The following MEGF11 variants were observed in gnomAD, a reference collection of about 807,000 sequenced individuals.
MEGF11 encodes multiple epidermal growth factor-like domains protein 11.
Under a neutral mutation model 146.6 loss-of-function variants are expected in MEGF11, and 126 were observed. The observed-to-expected ratio is 0.86, with a 90% CI of 0.74 to 1.00. The LOEUF is 1.00. Among genes scored for constraint, MEGF11 ranks in the 50% least tolerant of loss-of-function variants. MEGF11 has a pLI of 0.00. For synonymous variants in MEGF11, 532 were observed against 583.4 expected, an observed-to-expected ratio of 0.91 and a Z score of 1.27; for missense variants, 1,509 against 1,521.2, an observed-to-expected ratio of 0.99 and a Z score of 0.13.
intron 21 of MEGF11, among the ~76,000 whole-genome samples, chr15:65,911,545 G>T (rs985329427): frequency 6.6e-6 from 1 of 152,214 alleles, no homozygotes; most frequent in Non-Finnish European, 1.5e-5. Context: ...GCAAGTAGCT[G>T]GGACTACAGG....
chr15:65,934,647 T>C (rs987500633), intron 10 of MEGF11, among the ~76,000 whole-genome samples: 5 of 152,278 alleles, frequency 3.3e-5, no homozygotes, highest in African/African-American at 1.2e-4. Context: ...AGTTGGGACT[T>C]ACAGCCCCAC....
At chr15:65,908,964 G>C in intron 23 of MEGF11, 70 bp downstream of exon 23, 1 of 965,628 alleles carries the variant, frequency 1.0e-6, no homozygotes, top group Non-Finnish European at 1.6e-6. Flanking sequence ...CAAGGTGCAG[G>C]GATGGGGATT....
At chr15:65,911,130 A>G (rs1488932510) in intron 21 of MEGF11, among the ~76,000 whole-genome samples, 1 of 152,252 alleles carries the variant, frequency 6.6e-6, no homozygotes. Context: ...TTATGCTGGA[A>G]GCTGTCAGGG....
chr15:66,109,850 T>G (rs1217378647), intron 4 of MEGF11, among the ~76,000 whole-genome samples: 1 of 152,176 alleles, frequency 6.6e-6, no homozygotes, highest in South Asian at 2.1e-4. Context: ...TCTATTTCAC[T>G]CACTCACTAA....
chr15:65,937,518 C>T (rs1338832605), intron 10 of MEGF11, among the ~76,000 whole-genome samples: 4 of 152,212 alleles, frequency 2.6e-5, no homozygotes, highest in Non-Finnish European at 5.9e-5. Flanking sequence ...CTATTGAAAC[C>T]AGTCTCCCCA....
chr15:66,104,940 G>C (rs1250127376), intron 4 of MEGF11, among the ~76,000 whole-genome samples: 1 of 152,118 alleles, frequency 6.6e-6, no homozygotes, highest in Non-Finnish European at 1.5e-5. Flanking sequence ...AGGCATCTCA[G>C]ACAACAAATG....
At chr15:66,046,525 G>A (rs1289856021) in intron 5 of MEGF11, among the ~76,000 whole-genome samples, 3 of 152,322 alleles carry the variant, frequency 2.0e-5, no homozygotes, top group African/African-American at 4.8e-5. Flanking sequence ...AGGCACTGCC[G>A]AGCATCCTGC....
At chr15:66,212,623 G>C (rs2091488822) in intron 1 of MEGF11, among the ~76,000 whole-genome samples, 1 of 152,214 alleles carries the variant, frequency 6.6e-6, no homozygotes, top group African/African-American at 2.4e-5. Flanking sequence ...GAGCCCCCCA[G>C]TAACACAAGA....
intron 11 of MEGF11, 50 bp from the exon 12 acceptor site, chr15:65,929,933 C>T: frequency 4.6e-6 from 7 of 1,537,498 alleles, no homozygotes; most frequent in Non-Finnish European, 6.2e-6. Context: ...CCCAGTGTGT[C>T]TTTTTTGCCC....
At chr15:66,009,440 T>A (rs916067845) in intron 5 of MEGF11, among the ~76,000 whole-genome samples, 24 of 151,958 alleles carry the variant, frequency 1.6e-4, no homozygotes, top group Admixed American at 1.5e-3. Context: ...CTGACTCACA[T>A]CTATGACTCA....
rs375451561 is a variant in MEGF11 at position 66,248,505 on chromosome 15, A to G, written c.-9+5100T>C. On this transcript the variant is annotated intron_variant, in intron 1 of 25. Transcript: ENST00000395614. ...AAGGTTTGGCATTCAATAAGTATTC[A>G]ATCTATATTTGATTAATTGATCTTC... is the stretch of plus-strand genomic sequence containing the variant. Among the ~76,000 whole-genome samples the G allele has an allele frequency of 4.6e-5, 7 of 152,186 alleles. No individual in the cohort carries two copies. The East Asian group carries it at 9.6e-4, about 21-fold the overall frequency.
chr15:65,953,109 C>G (rs2080463063), intron 10 of MEGF11, among the ~76,000 whole-genome samples: 1 of 152,190 alleles, frequency 6.6e-6, no homozygotes, highest in Admixed American at 6.5e-5. Flanking sequence ...CAACACCCTC[C>G]TACTGGTATC....
intron 5 of MEGF11, among the ~76,000 whole-genome samples, chr15:66,068,587 G>A (rs2085238353): frequency 6.6e-6 from 1 of 152,186 alleles, no homozygotes; most frequent in African/African-American, 2.4e-5. Flanking sequence ...TGGCAGAGCT[G>A]GGATTCAACC....
intron 1 of MEGF11, among the ~76,000 whole-genome samples, chr15:66,129,400 T>C (rs930153428): frequency 1.3e-5 from 2 of 152,230 alleles, no homozygotes; most frequent in African/African-American, 4.8e-5. Flanking sequence ...GAATGAACGC[T>C]GCGACTCAGA....
chr15:65,922,018 C>T, intron 15 of MEGF11: 1 of 356,866 alleles, frequency 2.8e-6, no homozygotes, highest in East Asian at 7.7e-5. Context: ...CCACATGGTG[C>T]CACTTCTGAT....
intron 4 of MEGF11, among the ~76,000 whole-genome samples, chr15:66,099,222 T>G (rs1451055977): frequency 1.5e-5 from 2 of 132,420 alleles, no homozygotes; most frequent in Non-Finnish European, 3.4e-5. Flanking sequence ...TTTTTTTTTT[T>G]GATATGGAGT....
At chr15:66,226,395 G>A (rs1161957642) in intron 1 of MEGF11, among the ~76,000 whole-genome samples, 1 of 152,060 alleles carries the variant, frequency 6.6e-6, no homozygotes, top group Admixed American at 6.6e-5. Flanking sequence ...TTACAGGCGT[G>A]TGCCACCACG....
At chr15:66,174,183 C>T (rs1490936659) in intron 1 of MEGF11, among the ~76,000 whole-genome samples, 1 of 152,204 alleles carries the variant, frequency 6.6e-6, no homozygotes, top group Non-Finnish European at 1.5e-5. Context: ...AAGTCATCAG[C>T]AAATCCTATT....
intron 5 of MEGF11, among the ~76,000 whole-genome samples, chr15:66,078,087 G>C (rs915727603): frequency 2.0e-5 from 3 of 152,184 alleles, no homozygotes; most frequent in Non-Finnish European, 2.9e-5. Flanking sequence ...TTCAAGGGTG[G>C]TCTCCAGGGA....
Sources: gnomAD v4.1 joint callset for allele counts (sites outside exome capture counted in the v4.1 genomes callset) on GRCh38, gnomAD v4.1.1 for gene constraint, MANE v1.5 for transcripts, NCBI Gene and HGNC (gene_info 2026-07-23, HGNC 2026-07-21) for gene names.